CFAP100: variants seen among roughly 807,000 people sequenced by gnomAD.
The protein encoded by CFAP100 is cilia- and flagella-associated protein 100.
In CFAP100, 70 loss-of-function variants were observed where a neutral mutation model predicts 81.5. The observed-to-expected ratio is 0.86, with a 90% confidence interval of 0.71 to 1.05. The LOEUF is 1.05. CFAP100 is among the 50% of genes least tolerant of loss of function. The pLI, the probability that CFAP100 is intolerant of heterozygous loss-of-function variation, is 0.00. For missense variants in CFAP100, 811 were observed against 776.5 expected, an observed-to-expected ratio of 1.04 and a Z score of -0.53; for synonymous variants, 341 against 314.8, an observed-to-expected ratio of 1.08 and a Z score of -0.88.
rs556268038 is a variant in CFAP100, at chr3:126,413,231, C to T, written c.131-854C>T. ...TGTCTGCCACCCAGAGCCTTGGAGC[C>T]TCACACTGCCCTCCATGCCCTTGTC... is the stretch of plus-strand genomic sequence containing the variant. On this transcript the variant is annotated intron_variant, in intron 3 of 16. Transcript: ENST00000352312. 2.3e-4 allele frequency among the ~76,000 whole-genome samples: 35 copies of T among 152,316 alleles called. No individual in the cohort carries two copies. The East Asian group carries it at 6.6e-3, about 29-fold the overall frequency.
At chr3:126,405,823 T>C (rs1385133176) in intron 2 of CFAP100, among the ~76,000 whole-genome samples, 1 of 152,134 alleles carries the variant, frequency 6.6e-6, no homozygotes, top group African/African-American at 2.4e-5. Context: ...GGTCTCACCC[T>C]GTCACCCATG....
intron 4 of CFAP100, among the ~76,000 whole-genome samples, 182 bp from the exon 5 acceptor site, chr3:126,416,134 C>A (rs908420838): frequency 7.2e-5 from 11 of 152,182 alleles, no homozygotes; most frequent in African/African-American, 2.2e-4. Context: ...GCGCCCTTCT[C>A]GGGGGCAAAT....
chr3:126,403,608 C>G (rs1473513992), intron 2 of CFAP100, among the ~76,000 whole-genome samples: 1 of 152,068 alleles, frequency 6.6e-6, no homozygotes, highest in Non-Finnish European at 1.5e-5. Flanking sequence ...TAGTTGGACT[C>G]CTGGCCTCAA....
Position 126,423,338 on chromosome 3 carries a change from A to T in CFAP100, c.1096A>T (p.Ile366Phe). ...ATCTCTTCGCAGGTCGAACTCTCCC[A>T]TCCCCCCCACGCAGGAGGACACCGA... is the stretch of plus-strand genomic sequence containing the variant. ...GGDSRGSNSPIPPTQEDTDSD... is the reference protein window; with the variant it reads ...GGDSRGSNSPFPPTQEDTDSD... The change falls in exon 12 of 17, where the codon ATC becomes TTC. Residue 366 changes from isoleucine to phenylalanine, a missense_variant. Physicochemically the swap from Ile to Phe is conservative, Grantham distance 21. Transcript: ENST00000352312. 6.2e-7 allele frequency: 1 copy of T among 1,613,290 alleles called. No homozygotes were observed. The highest frequency in any genetic ancestry group is 8.5e-7 in the Non-Finnish European group (1 of 1,179,714).
intron 11 of CFAP100, 98 bp from the exon 12 acceptor site, chr3:126,423,227 G>A: frequency 1.0e-6 from 1 of 957,186 alleles, no homozygotes; most frequent in Non-Finnish European, 1.6e-6. Flanking sequence ...AGGAGGGATG[G>A]GGATGCTGCC....
At chr3:126,409,423 C>T (rs2083119960) in intron 3 of CFAP100, among the ~76,000 whole-genome samples, 1 of 152,192 alleles carries the variant, frequency 6.6e-6, no homozygotes, top group African/African-American at 2.4e-5. Flanking sequence ...GCTATGAAGT[C>T]TTGTACATGT....
intron 2 of CFAP100, among the ~76,000 whole-genome samples, chr3:126,401,220 GT>G (rs1184442578): frequency 2.6e-5 from 4 of 151,684 alleles, no homozygotes; most frequent in African/African-American, 9.7e-5. Context: ...CAGAGTTTCA[GT>G]TTGGGATGAT....
Position 126,435,602 on chromosome 3 carries a change from G to A in CFAP100, c.1672G>A (p.Glu558Lys), listed in dbSNP as rs1933414147. ...CCAGATGCAAAAGATCCTACAGGAG[G>A]AGCATCTGCAGCGGGCCCGGGCGCG... ...KLQMQKILQE[E>K]HLQRARARAQ... is the part of the protein sequence containing the mutation. The change falls in exon 16 of 17, where the codon GAG becomes AAG. Residue 558 changes from glutamate to lysine, a missense_variant. By Grantham distance (56) the Glu-to-Lys change is moderately conservative (BLOSUM62 1). Coordinates refer to ENST00000352312, the MANE Select transcript of CFAP100 (RefSeq NM_182628.3). 1 of 1,612,612 alleles carries A rather than the reference G, an allele frequency of 6.2e-7. No homozygotes were observed. The highest frequency in any genetic ancestry group is 1.3e-5 in the African/African-American group (1 of 74,876).
At chr3:126,417,105 C>T (rs1437228429) in intron 5 of CFAP100, among the ~76,000 whole-genome samples, 4 of 152,140 alleles carry the variant, frequency 2.6e-5, no homozygotes, top group Non-Finnish European at 5.9e-5. Context: ...GTGGGCGGTT[C>T]CTAAGAAAGA....
intron 5 of CFAP100, among the ~76,000 whole-genome samples, chr3:126,417,516 C>T (rs1325374981): frequency 2.0e-5 from 3 of 152,150 alleles, no homozygotes; most frequent in Non-Finnish European, 4.4e-5. Context: ...GCGTTTAGGC[C>T]CCACAGTTGG....
At chr3:126,411,940 G>A (rs2083163846) in intron 3 of CFAP100, among the ~76,000 whole-genome samples, 2 of 151,434 alleles carry the variant, frequency 1.3e-5, no homozygotes, top group African/African-American at 4.9e-5. Context: ...TTTTTCTTCT[G>A]CTGGGTTTGG....
intron 9 of CFAP100, 31 bp from the exon 10 acceptor site, chr3:126,419,949 G>T: frequency 6.2e-7 from 1 of 1,612,820 alleles, no homozygotes; most frequent in Non-Finnish European, 8.5e-7. Flanking sequence ...TGCAGCTGAG[G>T]CCATCGGGGC....
At chr3:126,408,632 C>A (rs370605990) in intron 3 of CFAP100, among the ~76,000 whole-genome samples, 3 of 152,174 alleles carry the variant, frequency 2.0e-5, no homozygotes, top group Admixed American at 2.0e-4. Context: ...GACTAGATCC[C>A]GGCTCCCCTT....
chr3:126,395,001 G>A (rs1457594378), intron 1 of CFAP100, 23 bp downstream of exon 1: 1 of 152,614 alleles, frequency 6.6e-6, no homozygotes, highest in African/African-American at 2.4e-5. Context: ...GCGGTCCGGG[G>A]AGAGGGGGCG....
chr3:126,414,488 G>A (rs2083203711), intron 4 of CFAP100: 1 of 612,820 alleles, frequency 1.6e-6, no homozygotes, highest in Non-Finnish European at 2.9e-6. Flanking sequence ...TGCGTGAAAT[G>A]CCATCCTCTC....
At chr3:126,418,385 C>T in intron 5 of CFAP100, 73 bp from the exon 6 acceptor site, 12 of 1,403,640 alleles carry the variant, frequency 8.5e-6, no homozygotes, top group Non-Finnish European at 1.2e-5. Context: ...GTGGAAGGCT[C>T]CTCTGCAGAC....
chr3:126,415,676 G>A (rs982752535), intron 4 of CFAP100, among the ~76,000 whole-genome samples: 3 of 152,162 alleles, frequency 2.0e-5, no homozygotes, highest in African/African-American at 4.8e-5. Flanking sequence ...TCCCGGGGCC[G>A]GTGCAGAAAA....
chr3:126,407,370 T>C lies in CFAP100; in HGVS notation c.130+118T>C, dbSNP rs147120642. 371 of 596,784 alleles carry C rather than the reference T, an allele frequency of 6.2e-4. 3 individuals carry two copies. In the East Asian group the frequency reaches 0.01, roughly 17 times the overall value. 37.0% of individuals were successfully genotyped at this position (596,784 alleles called of 1,614,324 possible). A position where few individuals can be genotyped will look rare whatever the true frequency, so the allele number is the denominator to read the frequency against. On this transcript the variant is annotated intron_variant, in intron 3 of 16. Coordinates refer to ENST00000352312, the MANE Select transcript of CFAP100 (RefSeq NM_182628.3). ...CTAAGGGCAGAAGGAAATGTTTCTCTTTCCATTAGGAATTGGGTTGACTTG... is the reference window on the plus strand; with the variant it reads ...CTAAGGGCAGAAGGAAATGTTTCTCCTTCCATTAGGAATTGGGTTGACTTG...
intron 13 of CFAP100, among the ~76,000 whole-genome samples, chr3:126,431,238 G>C (rs887852029): frequency 1.3e-5 from 2 of 152,302 alleles, no homozygotes; most frequent in African/African-American, 4.8e-5. Flanking sequence ...TCTGCACACT[G>C]GGTGCTATCA....
Sources: gnomAD v4.1 joint callset for allele counts (sites outside exome capture counted in the v4.1 genomes callset) on GRCh38, gnomAD v4.1.1 for gene constraint, MANE v1.5 for transcripts, NCBI Gene and HGNC (gene_info 2026-07-23, HGNC 2026-07-21) for gene names.